Variants in TREH observed in about 807,000 individuals in gnomAD.
TREH encodes alpha,alpha-trehalose glucohydrolase.
TREH carries 69 observed loss-of-function variants against 80.5 expected under a neutral mutation model. The observed-to-expected ratio is 0.86, with a 90% confidence interval of 0.71 to 1.05. TREH has a LOEUF of 1.05. Ranked by LOEUF, TREH falls within the 50% of genes least tolerant of loss-of-function variation. The pLI is 0.00. For synonymous variants in TREH, 309 were observed against 293.5 expected (o/e 1.05, Z -0.54); for missense variants, 716 against 718.8 (o/e 1.00, Z 0.04).
Position 118,679,641 on chromosome 11 carries a change from GTGAC to G in TREH, c.-18_-15del. 6.8e-7 allele frequency: 1 copy of G among 1,479,174 alleles called. No homozygotes were observed. Among genetic ancestry groups the G allele is most frequent in the Non-Finnish European group, 9.0e-7 (1 of 1,108,748 alleles). 91.6% of individuals were successfully genotyped at this position (1,479,174 alleles called of 1,614,324 possible). ...CCTCCCTGGCATGGTGGCTGTGACT[GTGAC>G]TGAATGAGCAAGCCCAGGCACCTTC... On this transcript the variant is annotated 5_prime_UTR_variant, in exon 1 of 15. Coordinates refer to ENST00000264029, the MANE Select transcript of TREH (RefSeq NM_007180.3).
chr11:118,676,149 A>C (rs1442502900), intron 1 of TREH, among the ~76,000 whole-genome samples: 1 of 152,170 alleles, frequency 6.6e-6, no homozygotes, highest in African/African-American at 2.4e-5. Context: ...TATCATGTGG[A>C]CCAAAACCCC....
Position 118,661,354 on chromosome 11 carries a change from G to T in TREH, c.734+39C>A, listed in dbSNP as rs375535917. The T allele has an allele frequency of 3.1e-6, 5 of 1,613,824 alleles. No individual in the cohort carries two copies. The African/African-American group carries it at 6.7e-5, about 22-fold the overall frequency. ...CCAGCCCTGAGAGGTCTGAGGGATG[G>T]GTGGGTCTGCAGAGCAGCACAGGGA... On this transcript the variant is annotated intron_variant, in intron 7 of 14. Coordinates refer to ENST00000264029, the MANE Select transcript of TREH (RefSeq NM_007180.3). This position sits in a 1 kb window ranked among gnomAD's most constrained non-coding sequence, Gnocchi z 4.2.
intron 1 of TREH, among the ~76,000 whole-genome samples, chr11:118,671,928 A>G (rs1252354170): frequency 6.6e-6 from 1 of 152,216 alleles, no homozygotes; most frequent in Non-Finnish European, 1.5e-5. Flanking sequence ...CTGAAGGAAA[A>G]AAAAACTTTT....
At chr11:118,675,752 G>A (rs1364672930) in intron 1 of TREH, among the ~76,000 whole-genome samples, 15 of 151,660 alleles carry the variant, frequency 9.9e-5, no homozygotes, top group African/African-American at 3.2e-4. Flanking sequence ...CACCTAGGCT[G>A]GAGTGCAGTG....
Position 118,660,630 on chromosome 11 carries a change from G to A in TREH, c.1011C>T (p.Ser337=), listed in dbSNP as rs781912352. 1.3e-5 allele frequency: 21 copies of A among 1,607,768 alleles called. No homozygotes were observed. In the East Asian group the frequency reaches 1.3e-4, roughly 10 times the overall value. ...LIGGPNPNSL[S]GIRTSKLVPV... ...GCACCAGTTTGCTTGTTCGGATGCC[G>A]CTAAGCGAGTTGGGGTTTGGGCCTC... Residue 337 remains serine, a synonymous_variant, in exon 10 of 15, where the codon AGC becomes AGT. Transcript: ENST00000264029.
At chr11:118,679,366 G>A (rs1162073365) in intron 1 of TREH, among the ~76,000 whole-genome samples, 173 bp downstream of exon 1, 1 of 152,136 alleles carries the variant, frequency 6.6e-6, no homozygotes, top group Non-Finnish European at 1.5e-5. Context: ...TGCAGGTGCA[G>A]TGCCCAGCAC....
At chr11:118,664,334 G>A (rs1475210259) in intron 1 of TREH, among the ~76,000 whole-genome samples, 2 of 152,202 alleles carry the variant, frequency 1.3e-5, no homozygotes, top group Non-Finnish European at 2.9e-5. Flanking sequence ...GGACTGAATT[G>A]CATGCTGTTT....
intron 1 of TREH, among the ~76,000 whole-genome samples, chr11:118,667,380 A>G (rs1480581206): frequency 6.6e-6 from 1 of 151,376 alleles, no homozygotes; most frequent in Non-Finnish European, 1.5e-5. Flanking sequence ...CAGGGTCTCA[A>G]TATGTTGCCC....
rs1555144796 is a variant in TREH, at chr11:118,660,839, G to A, written c.907+27C>T. ...CAGGTGTGCAGCTGCCCTGCCCCCA[G>A]CCCTCCCTCACCCTCCTGCTGCTCA... On this transcript the variant is annotated intron_variant, in intron 9 of 14. Transcript: ENST00000264029. 6 of 1,559,088 alleles carry A rather than the reference G, an allele frequency of 3.8e-6. No individual in the cohort carries two copies. The Admixed American group carries it at 5.8e-5, about 15-fold the overall frequency.
intron 1 of TREH, among the ~76,000 whole-genome samples, chr11:118,666,356 C>T (rs1371200546): frequency 6.6e-6 from 1 of 152,072 alleles, no homozygotes; most frequent in African/African-American, 2.4e-5. Flanking sequence ...TGGAGAGACT[C>T]GAAACAAGAG....
chr11:118,659,390 A>C lies in TREH; in HGVS notation c.1412T>G (p.Leu471Arg). ...CCTACCTCTGATGACCAGGTCCTGCAGGGGGGCCCAGGCATTGGGGAAATC... is the reference window on the plus strand; with the variant it reads ...CCTACCTCTGATGACCAGGTCCTGCCGGGGGGCCCAGGCATTGGGGAAATC... Reference protein sequence around the residue: ...QWDFPNAWAPLQDLVIRGLAK... With the variant: ...QWDFPNAWAPRQDLVIRGLAK... Residue 471 changes from leucine (L) to arginine (R), a missense_variant, in exon 12 of 15, where the codon CTG (leucine) becomes CGG (arginine). By Grantham distance (102) the Leu-to-Arg change is moderately radical. Transcript: ENST00000264029. The C allele has an allele frequency of 1.3e-6, 2 of 1,592,544 alleles. No individual in the cohort carries two copies. The highest frequency in any genetic ancestry group is 1.1e-5 in the South Asian group (1 of 87,282).
intron 1 of TREH, among the ~76,000 whole-genome samples, chr11:118,664,833 G>A (rs1254449945): frequency 1.3e-5 from 2 of 152,214 alleles, no homozygotes; most frequent in African/African-American, 4.8e-5. Flanking sequence ...CTCTGGCCGG[G>A]CACAGTGGCT....
intron 1 of TREH, among the ~76,000 whole-genome samples, chr11:118,679,115 G>A (rs888340240): frequency 9.8e-5 from 15 of 152,294 alleles, no homozygotes; most frequent in Middle Eastern, 3.4e-3. Flanking sequence ...GGTGGCTCAC[G>A]CTTGTATTCC....
chr11:118,675,053 A>G (rs1239700650), intron 1 of TREH, among the ~76,000 whole-genome samples: 1 of 138,688 alleles, frequency 7.2e-6, no homozygotes, highest in Non-Finnish European at 1.6e-5. Context: ...CCCTATGCAC[A>G]TGAGTCAACT....
At chr11:118,662,842 C>T (rs782034860) in intron 4 of TREH, 39 bp downstream of exon 4, 2 of 1,551,648 alleles carry the variant, frequency 1.3e-6, no homozygotes, top group Non-Finnish European at 1.7e-6. Context: ...CTCTTCAGTT[C>T]CCTTGGTCAG....
At position 118,661,953 on chromosome 11, in the gene TREH, G is replaced by C; in HGVS notation, c.461C>G (p.Ser154Cys). Reference sequence around the variant, plus strand: ...GAAGGGATGTTCTGAGTAGATGAGAGAGAACCGCTCAGGGTGGCTGAGAAC... The same window carrying C: ...GAAGGGATGTTCTGAGTAGATGAGACAGAACCGCTCAGGGTGGCTGAGAAC... ...PEVLSHPERF[S>C]LIYSEHPFIV... The change falls in exon 5 of 15, where the codon TCT becomes TGT. Residue 154 changes from serine (S) to cysteine (C), a missense_variant. By Grantham distance (112) the Ser-to-Cys change is moderately radical (BLOSUM62 -1). Transcript: ENST00000264029. This position sits in a 1 kb window ranked among gnomAD's most constrained non-coding sequence, Gnocchi z 4.2. The C allele has an allele frequency of 6.4e-7, 1 of 1,555,348 alleles. No homozygotes were observed. Among genetic ancestry groups the C allele is most frequent in the Non-Finnish European group, 8.7e-7 (1 of 1,149,174 alleles).
chr11:118,663,024 C>T, intron 3 of TREH, 28 bp downstream of exon 3: 1 of 1,611,270 alleles, frequency 6.2e-7, no homozygotes, highest in Non-Finnish European at 8.5e-7. Flanking sequence ...GGAAGGAACC[C>T]TCTCTTGTTC....
chr11:118,659,147 C>A, intron 12 of TREH, 130 bp from the exon 13 acceptor site: 1 of 1,033,628 alleles, frequency 9.7e-7, no homozygotes, highest in Non-Finnish European at 1.4e-6. Context: ...GACCACAGGC[C>A]AAACTGCCCT....
At position 118,659,882 on chromosome 11, in the gene TREH, C is replaced by G. The variant is rs781829375; in HGVS notation, c.1185G>C (p.Gln395His). The G allele has an allele frequency of 9.0e-6, 14 of 1,551,908 alleles. No individual in the cohort carries two copies. Among genetic ancestry groups the G allele is most frequent in the East Asian group, 4.9e-5 (2 of 40,964 alleles). The change falls in exon 11 of 15, where the codon CAG (glutamine) becomes CAC (histidine). Residue 395 changes from glutamine (Q) to histidine (H), a missense_variant. Gln to His is a conservative substitution (Grantham distance 24, BLOSUM62 0). Transcript: ENST00000264029. ...AALNTVLWDE[Q>H]TGAWFDYDLE... ...GGTCGTAATCGAACCAGGCTCCGGTCTGCTCATCCCACAGGACTGTGTTCA... is the reference window on the plus strand; with the variant it reads ...GGTCGTAATCGAACCAGGCTCCGGTGTGCTCATCCCACAGGACTGTGTTCA...
Sources: allele counts gnomAD v4.1 joint callset (sites outside exome capture counted in the v4.1 genomes callset), GRCh38; gene constraint gnomAD v4.1.1; non-coding constraint Gnocchi (gnomAD v3.1); transcripts MANE v1.5; gene names NCBI Gene and HGNC (gene_info 2026-07-23, HGNC 2026-07-21).